B3GALT1: variants seen among roughly 807,000 people sequenced by gnomAD.
B3GALT1 encodes the protein UDP-Gal:betaGlcNAc beta 1,3-galactosyltransferase, polypeptide 1.
B3GALT1 carries 10 observed loss-of-function variants against 23.2 expected under a neutral mutation model. That is an observed-to-expected ratio of 0.43 (90% confidence interval 0.27 to 0.73). The LOEUF (loss-of-function observed/expected upper bound fraction) is 0.73. Ranked by LOEUF, B3GALT1 falls within the 30% of genes least tolerant of loss-of-function variation. The pLI is 0.21. For missense variants in B3GALT1, 299 were observed against 405.4 expected, an observed-to-expected ratio of 0.74 and a Z score of 2.25; for synonymous variants, 156 against 141.5, an observed-to-expected ratio of 1.10 and a Z score of -0.73.
intron 1 of B3GALT1, among the ~76,000 whole-genome samples, chr2:167,358,419 T>G (rs1018044935): frequency 3.3e-5 from 5 of 152,220 alleles, no homozygotes; most frequent in African/African-American, 1.2e-4. Context: ...TTCTACTTGA[T>G]AGATCTTGTT....
chr2:167,304,312 T>A (rs1696512366), intron 1 of B3GALT1, among the ~76,000 whole-genome samples: 1 of 152,172 alleles, frequency 6.6e-6, no homozygotes. Flanking sequence ...CCCTTAGTTT[T>A]CAAAAATATT....
intron 1 of B3GALT1, among the ~76,000 whole-genome samples, chr2:167,411,871 C>T (rs578171552): frequency 1.3e-5 from 2 of 152,174 alleles, no homozygotes; most frequent in African/African-American, 4.8e-5. Flanking sequence ...TGTTATGCAG[C>T]CATAAAACAA....
intron 1 of B3GALT1, among the ~76,000 whole-genome samples, chr2:167,295,667 A>T (rs2105476205): frequency 6.6e-6 from 1 of 152,324 alleles, no homozygotes; most frequent in South Asian, 2.1e-4. Flanking sequence ...CCTTGACATC[A>T]AGTAACATTT....
chr2:167,661,310 G>A (rs767661692), intron 3 of B3GALT1, among the ~76,000 whole-genome samples: 1 of 152,092 alleles, frequency 6.6e-6, no homozygotes, highest in Middle Eastern at 3.4e-3. Context: ...ATATACTATG[G>A]TAGGTGCTGA....
chr2:167,550,743 G>A (rs1683729727), intron 2 of B3GALT1, among the ~76,000 whole-genome samples: 1 of 152,180 alleles, frequency 6.6e-6, no homozygotes, highest in South Asian at 2.1e-4. Flanking sequence ...TGAAAGAGAG[G>A]AAGTTGCATC....
chr2:167,402,555 G>A (rs1698209907), intron 1 of B3GALT1, among the ~76,000 whole-genome samples: 1 of 152,098 alleles, frequency 6.6e-6, no homozygotes, highest in South Asian at 2.1e-4. Flanking sequence ...TACTTTCTTA[G>A]TTATGAAGGT....
chr2:167,714,847 G>A, intron 3 of B3GALT1: 7 of 1,609,120 alleles, frequency 4.4e-6, no homozygotes, highest in Non-Finnish European at 5.9e-6. Flanking sequence ...CCTCTATCTG[G>A]TAATTTTCTT....
At chr2:167,569,469 A>G (rs1005043501) in intron 2 of B3GALT1, among the ~76,000 whole-genome samples, 1 of 151,862 alleles carries the variant, frequency 6.6e-6, no homozygotes, top group African/African-American at 2.4e-5. Flanking sequence ...TTTAACTGGT[A>G]TTGTGTTTTA....
intron 2 of B3GALT1, among the ~76,000 whole-genome samples, chr2:167,631,067 AT>A (rs1685432315): frequency 6.6e-6 from 1 of 151,854 alleles, no homozygotes; most frequent in African/African-American, 2.4e-5. Flanking sequence ...TATTATTTGA[AT>A]TTTTTACCAT....
chr2:167,322,673 C>G (rs1696832857), intron 1 of B3GALT1, among the ~76,000 whole-genome samples: 1 of 151,888 alleles, frequency 6.6e-6, no homozygotes, highest in Non-Finnish European at 1.5e-5. Flanking sequence ...TATCAATTTC[C>G]TTGAAGAATT....
chr2:167,640,481 G>C (rs1685630623), intron 2 of B3GALT1, among the ~76,000 whole-genome samples: 1 of 151,580 alleles, frequency 6.6e-6, no homozygotes, highest in African/African-American at 2.4e-5. Flanking sequence ...CAGCTGCCTT[G>C]CTATCTAAAA....
rs141510112 is a variant in B3GALT1 at position 167,453,966 on chromosome 2, T to C, written c.-510-36211T>C. On this transcript the variant is annotated intron_variant, in intron 1 of 4. Coordinates refer to ENST00000392690, the MANE Select transcript of B3GALT1 (RefSeq NM_020981.4). ...ACTTGTTTGGCATACAAATTATAGA[T>C]TTTTTAGATTAGACTCTTGCATGGT... 1.1e-4 allele frequency among the ~76,000 whole-genome samples: 17 copies of C among 152,316 alleles called. No individual in the cohort carries two copies. In the East Asian group the frequency reaches 3.3e-3, roughly 29 times the overall value.
intron 1 of B3GALT1, among the ~76,000 whole-genome samples, chr2:167,465,934 A>G (rs988919274): frequency 6.6e-6 from 1 of 151,976 alleles, no homozygotes; most frequent in Non-Finnish European, 1.5e-5. Flanking sequence ...CTTTCTCACA[A>G]TGACTTTTGT....
At chr2:167,346,370 A>G (rs1385089941) in intron 1 of B3GALT1, among the ~76,000 whole-genome samples, 1 of 152,150 alleles carries the variant, frequency 6.6e-6, no homozygotes, top group African/African-American at 2.4e-5. Context: ...TACAGTATAT[A>G]TCTACTCTGA....
chr2:167,768,657 C>T (rs1688017687), intron 3 of B3GALT1, among the ~76,000 whole-genome samples: 1 of 152,140 alleles, frequency 6.6e-6, no homozygotes, highest in African/African-American at 2.4e-5. Flanking sequence ...AAAGGTTATT[C>T]CCACTGTGTA....
Position 167,842,744 on chromosome 2 carries a change from C to T in B3GALT1, c.-230+23951C>T, listed in dbSNP as rs1265312675. ...ATCAAATTAGCTGGGTGTGGTGGCACACACCTGTAGTCCCAACTGCTTGGA... is the reference window on the plus strand; with the variant it reads ...ATCAAATTAGCTGGGTGTGGTGGCATACACCTGTAGTCCCAACTGCTTGGA... On this transcript the variant is annotated intron_variant, in intron 4 of 4. Transcript: ENST00000392690. Among the ~76,000 whole-genome samples, 3 of 151,920 alleles carry T rather than the reference C, an allele frequency of 2.0e-5. No individual in the cohort carries two copies. The East Asian group carries it at 5.8e-4, about 29-fold the overall frequency.
intron 1 of B3GALT1, among the ~76,000 whole-genome samples, chr2:167,419,714 T>A (rs1321485058): frequency 6.6e-6 from 1 of 152,190 alleles, no homozygotes; most frequent in Non-Finnish European, 1.5e-5. Context: ...TCTGATAGTC[T>A]CTCTGCAACT....
intron 1 of B3GALT1, among the ~76,000 whole-genome samples, chr2:167,359,198 AAAAG>A (rs1559074573): frequency 6.6e-6 from 1 of 152,250 alleles, no homozygotes; most frequent in Non-Finnish European, 1.5e-5. Context: ...AATTTAAAAA[AAAAG>A]CTCAAAAATT....
At chr2:167,447,237 G>A (rs1242996769) in intron 1 of B3GALT1, among the ~76,000 whole-genome samples, 1 of 152,134 alleles carries the variant, frequency 6.6e-6, no homozygotes, top group Non-Finnish European at 1.5e-5. Context: ...CGTCTCAGAG[G>A]GGCACCTGGC....
Sources: gnomAD v4.1 joint callset for allele counts (sites outside exome capture counted in the v4.1 genomes callset) on GRCh38, gnomAD v4.1.1 for gene constraint, MANE v1.5 for transcripts, NCBI Gene and HGNC (gene_info 2026-07-23, HGNC 2026-07-21) for gene names.